Variants in SORL1 observed in about 807,000 individuals in gnomAD.
The protein encoded by SORL1 is sortilin-related receptor.
Under a neutral mutation model 273.7 loss-of-function variants are expected in SORL1, and 127 were observed. That is an observed-to-expected ratio of 0.46 (90% CI 0.40 to 0.54). The LOEUF is 0.54. Ranked by LOEUF, SORL1 falls within the 20% of genes least tolerant of loss-of-function variation. SORL1 has a pLI of 0.00. For missense variants in SORL1, 2,494 were observed against 2,846.1 expected (o/e 0.88, Z 2.81); for synonymous variants, 1,031 against 1,067.4 (o/e 0.97, Z 0.66).
At chr11:121,620,959 T>A (rs1863714649) in intron 43 of SORL1, 105 bp from the exon 44 acceptor site, 1 of 797,468 alleles carries the variant, frequency 1.3e-6, no homozygotes, top group African/African-American at 1.7e-5. Context: ...CTCTTGTTGC[T>A]GTGGGTCCCA....
In SORL1 at chr11:121,514,258, C is replaced by T. The variant is rs753082593; in HGVS notation, c.1148C>T (p.Ser383Phe). 6.2e-7 allele frequency: 1 copy of T among 1,614,224 alleles called. No individual in the cohort carries two copies. The highest frequency in any genetic ancestry group is 1.1e-5 in the South Asian group (1 of 91,084). ...YISEAEGLKF[S>F]LSLENVLYYS... ...TCAGAGGCAGAGGGGCTGAAGTTCT[C>T]CCTGTCCTTGGAGAACGTGCTCTAT... The change falls in exon 8 of 48, where the codon TCC becomes TTC. Residue 383 changes from serine (S) to phenylalanine (F), a missense_variant. By Grantham distance (155) the Ser-to-Phe change is radical. Coordinates refer to ENST00000260197, the MANE Select transcript of SORL1 (RefSeq NM_003105.6).
rs553344872 is a variant in SORL1, at chr11:121,622,203, A to G, written c.6106A>G (p.Asn2036Asp). 22 of 1,612,514 alleles carry G rather than the reference A, an allele frequency of 1.4e-5. No homozygotes were observed. The African/African-American group carries it at 2.5e-4, about 19-fold the overall frequency. ...TGATGCCTTAAAAATCATAACAGAA[A>G]ATGATCATGTTCTTCTGTTTTGGAA... is the stretch of plus-strand genomic sequence containing the variant. The part of the protein sequence containing the change: ...APDALKIITE[N>D]DHVLLFWKSL... Residue 2036 changes from asparagine to aspartate, a missense_variant, in exon 45 of 48, where the codon AAT (asparagine) becomes GAT (aspartate). Transcript: ENST00000260197.
chr11:121,566,382 T>G (rs1862754888), intron 21 of SORL1, among the ~76,000 whole-genome samples: 1 of 152,230 alleles, frequency 6.6e-6, no homozygotes, highest in African/African-American at 2.4e-5. Flanking sequence ...AAAAAAATTT[T>G]TTTTAAGGGA....
At chr11:121,611,396 TATAATTAA>T (rs1416071790) in intron 39 of SORL1, 1 of 387,186 alleles carries the variant, frequency 2.6e-6, no homozygotes, top group African/African-American at 2.1e-5. Context: ...TCCTTAACCA[TATAATTAA>T]ATGGTTCACA....
intron 21 of SORL1, among the ~76,000 whole-genome samples, chr11:121,566,027 G>T (rs1862749187): frequency 6.6e-6 from 1 of 152,168 alleles, no homozygotes; most frequent in South Asian, 2.1e-4. Flanking sequence ...CAAAGGAATT[G>T]AGAAGGGGAG....
In SORL1 at chr11:121,630,713, G is replaced by A. The variant is rs1863863657; in HGVS notation, c.*1150G>A. On this transcript the variant is annotated 3_prime_UTR_variant, in exon 48 of 48. Coordinates refer to ENST00000260197, the MANE Select transcript of SORL1 (RefSeq NM_003105.6). ...TGCTGTACATTCTCATAGAGATAGAGAAGATCTAAAAAGTTGAGACTACTC... is the reference window on the plus strand; with the variant it reads ...TGCTGTACATTCTCATAGAGATAGAAAAGATCTAAAAAGTTGAGACTACTC... 6.6e-6 allele frequency: 1 copy of A among 152,094 alleles called. No homozygotes were observed. Among genetic ancestry groups the A allele is most frequent in the Non-Finnish European group, 1.5e-5 (1 of 68,014 alleles). 9.4% of individuals were successfully genotyped at this position (152,094 alleles called of 1,614,324 possible).
intron 12 of SORL1, among the ~76,000 whole-genome samples, chr11:121,535,534 G>A (rs764876466): frequency 3.3e-5 from 5 of 152,158 alleles, no homozygotes; most frequent in Non-Finnish European, 4.4e-5. Flanking sequence ...CTGGGAGGAG[G>A]GGGTTGTTTG....
At chr11:121,509,771 A>G (rs1231465920) in intron 6 of SORL1, among the ~76,000 whole-genome samples, 1 of 152,224 alleles carries the variant, frequency 6.6e-6, no homozygotes, top group Non-Finnish European at 1.5e-5. Flanking sequence ...CACTGCACCC[A>G]GCAGAATTTA....
Position 121,607,281 on chromosome 11 carries a change from C to T in SORL1, c.5157C>T (p.Tyr1719=), listed in dbSNP as rs750337979. 13 of 1,566,134 alleles carry T rather than the reference C, an allele frequency of 8.3e-6. No homozygotes were observed. Among genetic ancestry groups the T allele is most frequent in the Middle Eastern group, 1.7e-4 (1 of 6,014 alleles). ...AGAACTTATTGGTCAACACTCTATA[C>T]ACCGTCAGAGTGAGTGTCGTCATCC... ...EIKNLLVNTL[Y]TVRVAAVTSR... The change falls in exon 37 of 48, where the codon TAC becomes TAT. Residue 1719 remains tyrosine (Y), a synonymous_variant. Coordinates refer to ENST00000260197, the MANE Select transcript of SORL1 (RefSeq NM_003105.6).
At chr11:121,488,251 G>A (rs926968171) in intron 4 of SORL1, 58 bp downstream of exon 4, 20 of 1,549,902 alleles carry the variant, frequency 1.3e-5, no homozygotes, top group Middle Eastern at 1.8e-4. Flanking sequence ...TCCTCTGCCT[G>A]TGTGGATTGT....
At chr11:121,486,259 C>T (rs11600875) in intron 3 of SORL1, among the ~76,000 whole-genome samples, 15,771 of 152,138 alleles carry the variant, frequency 0.1, 1,014 homozygotes, top group African/African-American at 0.18. Context: ...GAGCAGGGAC[C>T]GGCCTCCGGG....
intron 3 of SORL1, among the ~76,000 whole-genome samples, chr11:121,484,210 C>T (rs1162953930): frequency 2.0e-5 from 3 of 152,100 alleles, no homozygotes; most frequent in Non-Finnish European, 4.4e-5. Context: ...TGGCAATATT[C>T]TTGACTTTCC....
intron 14 of SORL1, among the ~76,000 whole-genome samples, chr11:121,547,345 T>C (rs112909903): frequency 8.7e-4 from 120 of 138,414 alleles, no homozygotes; most frequent in African/African-American, 3.0e-3. Context: ...TTTTTTTTTT[T>C]CATGACATTT....
At chr11:121,618,937 G>A in intron 42 of SORL1, 44 bp downstream of exon 42, 1 of 1,611,424 alleles carries the variant, frequency 6.2e-7, no homozygotes. Context: ...GATGTCTTAA[G>A]TCCTGGGCTC....
rs1157273482 is a variant in SORL1 at position 121,596,266 on chromosome 11, A to G, written c.4519+494A>G. Among the ~76,000 whole-genome samples, 2 of 152,180 alleles carry G rather than the reference A, an allele frequency of 1.3e-5. No homozygotes were observed. Among genetic ancestry groups the G allele is most frequent in the Non-Finnish European group, 2.9e-5 (2 of 68,020 alleles). ...GATAGTGTGCCGAGCCACATGGGGA[A>G]TAATCACAGGGCCATCTGAGCCCAG... is the stretch of plus-strand genomic sequence containing the variant. On this transcript the variant is annotated intron_variant, in intron 32 of 47. Coordinates refer to ENST00000260197, the MANE Select transcript of SORL1 (RefSeq NM_003105.6). This position sits in a 1 kb window ranked among gnomAD's most constrained non-coding sequence, Gnocchi z 4.3.
chr11:121,483,688 G>A (rs1259544502), intron 3 of SORL1, among the ~76,000 whole-genome samples: 1 of 152,124 alleles, frequency 6.6e-6, no homozygotes, highest in South Asian at 2.1e-4. Context: ...TGTAGGTTTG[G>A]CCTCCAGTAA....
chr11:121,612,524 T>G, intron 39 of SORL1: 1 of 396,782 alleles, frequency 2.5e-6, no homozygotes, highest in East Asian at 4.2e-5. Context: ...ATGGTCTCGT[T>G]TGTTTTTAGA....
chr11:121,557,846 C>A (rs1368898731), intron 19 of SORL1, among the ~76,000 whole-genome samples: 1 of 152,298 alleles, frequency 6.6e-6, no homozygotes, highest in East Asian at 1.9e-4. Context: ...TTTTTATTAA[C>A]TCATTAACTG....
Position 121,553,944 on chromosome 11 carries a change from C to G in SORL1, c.2274C>G (p.Asn758Lys), listed in dbSNP as rs774864914. 6.2e-7 allele frequency: 1 copy of G among 1,612,756 alleles called. No individual in the cohort carries two copies. Among genetic ancestry groups the G allele is most frequent in the Non-Finnish European group, 8.5e-7 (1 of 1,179,140 alleles). ...ELVPCPLAEE[N>K]EFILYAVRKS... Reference sequence around the variant, plus strand: ...GTCTTGTGTGTCTGGCAGAAGAGAACGAGTTCATTCTGTATGCTGTGAGGA... The same window carrying G: ...GTCTTGTGTGTCTGGCAGAAGAGAAGGAGTTCATTCTGTATGCTGTGAGGA... Residue 758 changes from asparagine to lysine, a missense_variant, in exon 17 of 48, where the codon AAC (asparagine) becomes AAG (lysine). Physicochemically the swap from Asn to Lys is moderately conservative, Grantham distance 94 (BLOSUM62 0). Around this residue, in one of 3 missense-constraint regions of SORL1, gnomAD observed 710 missense variants for 882.5 expected, o/e 0.80. Transcript: ENST00000260197.
Sources: allele counts gnomAD v4.1 joint callset (sites outside exome capture counted in the v4.1 genomes callset), GRCh38; gene constraint gnomAD v4.1.1; regional missense constraint gnomAD v4.1.1; non-coding constraint Gnocchi (gnomAD v3.1); transcripts MANE v1.5; gene names NCBI Gene and HGNC (gene_info 2026-07-23, HGNC 2026-07-21).